Variants in BIRC6 observed in about 807,000 individuals in gnomAD.
BIRC6 encodes baculoviral IAP repeat containing 6, also known as dual E2 ubiquitin-conjugating enzyme/E3 ubiquitin-protein ligase BIRC6.
A neutral mutation model predicts 503.3 loss-of-function variants in BIRC6; 98 were observed. The observed-to-expected ratio is 0.19, with a 90% CI of 0.17 to 0.23. BIRC6 has a LOEUF of 0.23. Among genes scored for constraint, BIRC6 ranks in the 10% least tolerant of loss-of-function variants. The pLI is 1.00. For missense variants in BIRC6, 5,360 were observed against 5,806.0 expected (o/e 0.92, Z 2.50); for synonymous variants, 2,240 against 2,078.7 (o/e 1.08, Z -2.11).
chr2:32,440,236 T>G (rs1238386511), intron 16 of BIRC6, among the ~76,000 whole-genome samples: 1 of 152,216 alleles, frequency 6.6e-6, no homozygotes, highest in Non-Finnish European at 1.5e-5. Context: ...AGGGAGTAAT[T>G]GTTAGCAGAT....
At chr2:32,510,920 A>G (rs1409112708) in intron 53 of BIRC6, among the ~76,000 whole-genome samples, 1 of 152,214 alleles carries the variant, frequency 6.6e-6, no homozygotes, top group Non-Finnish European at 1.5e-5. Context: ...TAAGTTGGCT[A>G]CGTGTGAAAG....
At chr2:32,390,458 C>G (rs2039081573) in intron 4 of BIRC6, among the ~76,000 whole-genome samples, 1 of 152,154 alleles carries the variant, frequency 6.6e-6, no homozygotes, top group Non-Finnish European at 1.5e-5. Flanking sequence ...GCGTGAGCCA[C>G]TGCACCCGGC....
At position 32,515,081 on chromosome 2, in the gene BIRC6, C is replaced by T; in HGVS notation, c.10660C>T (p.Pro3554Ser). The T allele has an allele frequency of 6.2e-7, 1 of 1,613,774 alleles. No homozygotes were observed. The highest frequency in any genetic ancestry group is 8.5e-7 in the Non-Finnish European group (1 of 1,179,854). The change falls in exon 55 of 74, where the codon CCA becomes TCA. Residue 3554 changes from proline (P) to serine (S), a missense_variant. Physicochemically the swap from Pro to Ser is moderately conservative, Grantham distance 74. Coordinates refer to ENST00000421745, the MANE Select transcript of BIRC6 (RefSeq NM_016252.4). ...SLLCSMCHVH[P>S]NYFSLLMGWM... ...ACTTTGCTCAATGTGTCACGTACAC[C>T]CAAACTATTTTTCTTTGCTCATGGG...
chr2:32,397,988 G>A (rs968595351), intron 6 of BIRC6, among the ~76,000 whole-genome samples: 3 of 151,980 alleles, frequency 2.0e-5, no homozygotes, highest in African/African-American at 7.3e-5. Flanking sequence ...TAAGACCTGG[G>A]GCAAGTCTTC....
At chr2:32,563,027 C>T (rs2059303467) in intron 65 of BIRC6, among the ~76,000 whole-genome samples, 1 of 152,206 alleles carries the variant, frequency 6.6e-6, no homozygotes, top group Non-Finnish European at 1.5e-5. Flanking sequence ...TGTCAGTCCT[C>T]TGACTTTGTT....
Position 32,593,917 on chromosome 2 carries a change from C to T in BIRC6, c.13358C>T (p.Ser4453Phe), listed in dbSNP as rs753432548. 6.2e-7 allele frequency: 1 copy of T among 1,607,870 alleles called. No homozygotes were observed. Among genetic ancestry groups the T allele is most frequent in the South Asian group, 1.1e-5 (1 of 89,062 alleles). The change falls in exon 67 of 74, where the codon TCT becomes TTT. Residue 4453 changes from serine (S) to phenylalanine (F), a missense_variant and splice_region_variant. Around this residue, in one of 16 missense-constraint regions of BIRC6, gnomAD observed 477 missense variants for 574.4 expected, o/e 0.83. Transcript: ENST00000421745. ...CVDTYTNRLR[S>F]KRENVKTGVK... ...CTTTCCATATTAAAAAAATTCAGATCTAAAAGGGAAAATGTTAAAACAGGA... is the reference window on the plus strand; with the variant it reads ...CTTTCCATATTAAAAAAATTCAGATTTAAAAGGGAAAATGTTAAAACAGGA...
intron 22 of BIRC6, among the ~76,000 whole-genome samples, chr2:32,449,906 T>C (rs2046491187): frequency 6.6e-6 from 1 of 152,236 alleles, no homozygotes; most frequent in Admixed American, 6.5e-5. Flanking sequence ...ATATGTGTTA[T>C]TACTATTTGA....
intron 4 of BIRC6, among the ~76,000 whole-genome samples, chr2:32,390,748 A>T (rs552672737): frequency 6.6e-6 from 1 of 152,226 alleles, no homozygotes; most frequent in Non-Finnish European, 1.5e-5. Context: ...TTAAACTTCT[A>T]TTATTTTTAG....
rs376424313 is a variant in BIRC6 at position 32,395,556 on chromosome 2, G to A, written c.997G>A (p.Val333Ile). The A allele has an allele frequency of 5.2e-5, 84 of 1,613,194 alleles. No individual in the cohort carries two copies. Among genetic ancestry groups the A allele is most frequent in the Non-Finnish European group, 6.4e-5 (76 of 1,179,404 alleles). ...TAGAGCCATGTGTTTTACTTGTAGT[G>A]TATGCCTCGTTTGTTGGGAACCTAC... Reference protein sequence around the residue: ...DDRAMCFTCSVCLVCWEPTDE... With the variant: ...DDRAMCFTCSICLVCWEPTDE... Residue 333 changes from valine (V) to isoleucine (I), a missense_variant, in exon 6 of 74, where the codon GTA (valine) becomes ATA (isoleucine). Around this residue, in one of 16 missense-constraint regions of BIRC6, gnomAD observed 92 missense variants for 176.7 expected, o/e 0.52. Transcript: ENST00000421745.
At chr2:32,596,968 G>A (rs2061715451) in intron 68 of BIRC6, among the ~76,000 whole-genome samples, 1 of 152,168 alleles carries the variant, frequency 6.6e-6, no homozygotes, top group African/African-American at 2.4e-5. Context: ...AGCTAGAAGA[G>A]TTCTCTCATA....
chr2:32,402,986 A>G (rs148418624), intron 8 of BIRC6, among the ~76,000 whole-genome samples: 91 of 152,354 alleles, frequency 6.0e-4, no homozygotes, highest in Non-Finnish European at 1.1e-3. Flanking sequence ...ACTTCTCAAC[A>G]TTATATGGGG....
chr2:32,381,506 C>G (rs1220353695), intron 3 of BIRC6, among the ~76,000 whole-genome samples: 5 of 149,950 alleles, frequency 3.3e-5, no homozygotes, highest in Non-Finnish European at 7.4e-5. Context: ...TCCTAGAGTG[C>G]TGGGATTACA....
At chr2:32,556,427 T>C (rs931499649) in intron 65 of BIRC6, among the ~76,000 whole-genome samples, 3 of 152,156 alleles carry the variant, frequency 2.0e-5, no homozygotes, top group African/African-American at 7.2e-5. Context: ...ACGTACCTAA[T>C]CCTTATATTG....
In BIRC6 at chr2:32,617,941, C is replaced by T. The variant is rs763090845; in HGVS notation, c.*37C>T. The T allele has an allele frequency of 1.7e-5, 26 of 1,568,682 alleles. No individual in the cohort carries two copies. The highest frequency in any genetic ancestry group is 1.6e-4 in the African/African-American group (12 of 73,616). Reference sequence around the variant, plus strand: ...GTGGACTTCATAGACACAAAGGCTTCGAAGCACAAGCCAAATATGTCAATA... The same window carrying T: ...GTGGACTTCATAGACACAAAGGCTTTGAAGCACAAGCCAAATATGTCAATA... On this transcript the variant is annotated 3_prime_UTR_variant, in exon 74 of 74. Coordinates refer to ENST00000421745, the MANE Select transcript of BIRC6 (RefSeq NM_016252.4).
chr2:32,397,078 G>A (rs2039982268), intron 6 of BIRC6, among the ~76,000 whole-genome samples: 2 of 152,068 alleles, frequency 1.3e-5, no homozygotes, highest in African/African-American at 2.4e-5. Flanking sequence ...CTGTGACTGT[G>A]GTCAGTCTGT....
chr2:32,403,076 G>T (rs1210964015), intron 8 of BIRC6, among the ~76,000 whole-genome samples: 2 of 152,174 alleles, frequency 1.3e-5, no homozygotes, highest in African/African-American at 2.4e-5. Context: ...TTTCTCTGAA[G>T]AAAGTCTCAA....
intron 65 of BIRC6, among the ~76,000 whole-genome samples, chr2:32,568,583 G>A (rs147538315): frequency 1.7e-3 from 252 of 151,540 alleles, no homozygotes; most frequent in African/African-American, 5.4e-3. Context: ...AGTGGCTCAC[G>A]CCTGTAATTT....
intron 68 of BIRC6, among the ~76,000 whole-genome samples, chr2:32,595,716 C>T (rs1443110882): frequency 6.6e-6 from 1 of 152,162 alleles, no homozygotes. Flanking sequence ...GAGAAACAAC[C>T]TAAAAATCTT....
chr2:32,472,025 GT>G (rs1368164156), intron 32 of BIRC6, among the ~76,000 whole-genome samples: 1 of 152,186 alleles, frequency 6.6e-6, no homozygotes, highest in Non-Finnish European at 1.5e-5. Context: ...AGTTTACTCA[GT>G]TGTAGGATAT....
Sources: gnomAD v4.1 joint callset for allele counts (sites outside exome capture counted in the v4.1 genomes callset) on GRCh38, gnomAD v4.1.1 for gene constraint, gnomAD v4.1.1 regional missense constraint, MANE v1.5 for transcripts, NCBI Gene and HGNC (gene_info 2026-07-23, HGNC 2026-07-21) for gene names.